The following DCAF5 variants were observed in gnomAD, a reference collection of about 807,000 sequenced individuals.
DCAF5 encodes DDB1- and CUL4-associated factor 5.
DCAF5 carries 9 observed loss-of-function variants against 80.7 expected under a neutral mutation model. The observed-to-expected ratio is 0.11, with a 90% CI of 0.07 to 0.19. The LOEUF (loss-of-function observed/expected upper bound fraction) is 0.19, where lower values mean the gene tolerates loss of function less well. DCAF5 is among the 10% of genes least tolerant of loss of function. DCAF5 has a pLI of 1.00. For missense variants in DCAF5, 842 were observed against 1,205.7 expected, an observed-to-expected ratio of 0.70 and a Z score of 4.47; for synonymous variants, 433 against 461.9, an observed-to-expected ratio of 0.94 and a Z score of 0.80.
chr14:69,074,022 G>A (rs1351136717), intron 7 of DCAF5, among the ~76,000 whole-genome samples: 1 of 152,158 alleles, frequency 6.6e-6, no homozygotes. Flanking sequence ...CTAAATTCTA[G>A]AAGAGGAAAA....
chr14:69,081,594 C>T (rs1337392480), intron 6 of DCAF5, among the ~76,000 whole-genome samples: 1 of 152,096 alleles, frequency 6.6e-6, no homozygotes, highest in Admixed American at 6.6e-5. Flanking sequence ...CTTGCTCGAG[C>T]ATAGGAAGAG....
At chr14:69,091,652 G>A in intron 6 of DCAF5, 22 bp downstream of exon 6, 1 of 1,601,214 alleles carries the variant, frequency 6.2e-7, no homozygotes, top group Non-Finnish European at 8.6e-7. Context: ...AGTGTGAGAT[G>A]CAGGAGGCAG....
At chr14:69,073,386 T>G (rs1193736726) in intron 7 of DCAF5, among the ~76,000 whole-genome samples, 2 of 152,138 alleles carry the variant, frequency 1.3e-5, no homozygotes, top group African/African-American at 4.8e-5. Context: ...ACTTCTAGCC[T>G]GCAGAACTGT....
At chr14:69,099,053 C>T (rs1272522038) in intron 5 of DCAF5, among the ~76,000 whole-genome samples, 2 of 151,848 alleles carry the variant, frequency 1.3e-5, no homozygotes, top group Non-Finnish European at 2.9e-5. Flanking sequence ...GAGATCGAGA[C>T]CATCCTGGCC....
intron 6 of DCAF5, chr14:69,085,284 A>G: frequency 1.4e-6 from 1 of 717,860 alleles, no homozygotes; most frequent in South Asian, 1.4e-5. Flanking sequence ...AAAAGCGAGT[A>G]GGCAGTGGTG....
At chr14:69,131,759 CTT>C (rs11458918) in intron 1 of DCAF5, among the ~76,000 whole-genome samples, 8 of 133,868 alleles carry the variant, frequency 6.0e-5, no homozygotes, top group African/African-American at 5.6e-5. Context: ...ACTTTCCAGG[CTT>C]TTTTTTTTTT....
At chr14:69,058,486 TC>T (rs2038067083) in intron 8 of DCAF5, among the ~76,000 whole-genome samples, 1 of 151,534 alleles carries the variant, frequency 6.6e-6, no homozygotes, top group Admixed American at 6.6e-5. Context: ...GCCACTGCAC[TC>T]CAGCTTGGGT....
intron 4 of DCAF5, among the ~76,000 whole-genome samples, chr14:69,117,929 G>C (rs3742905): frequency 0.054 from 8,149 of 152,240 alleles, 325 homozygotes; most frequent in Non-Finnish European, 0.084. Flanking sequence ...CAGGAGGGTG[G>C]AGAAGGACTG....
At chr14:69,093,630 AC>A (rs2039603758) in intron 5 of DCAF5, among the ~76,000 whole-genome samples, 1 of 152,186 alleles carries the variant, frequency 6.6e-6, no homozygotes, top group Non-Finnish European at 1.5e-5. Flanking sequence ...GCAGCTGCCA[AC>A]CTAGCTTGGT....
rs187750766 is a variant in DCAF5 at position 69,106,459 on chromosome 14, C to T, written c.665+9907G>A. ...TCATGGCTCACTGCAGCCTCAACCT[C>T]CTGGGCTCAAGCGATCCTCCTGCCT... On this transcript the variant is annotated intron_variant, in intron 5 of 8. Transcript: ENST00000341516. Among the ~76,000 whole-genome samples, 796 of 152,202 alleles carry T rather than the reference C, an allele frequency of 5.2e-3. 4 individuals are homozygous for T. The highest frequency in any genetic ancestry group is 6.7e-3 in the Non-Finnish European group (457 of 68,006).
chr14:69,056,414 G>A (rs536680510), intron 8 of DCAF5, among the ~76,000 whole-genome samples: 25 of 152,318 alleles, frequency 1.6e-4, no homozygotes, highest in African/African-American at 5.8e-4. Context: ...AGGCAGCAGA[G>A]CTAGGATTCA....
chr14:69,139,015 A>T (rs946901239), intron 1 of DCAF5, among the ~76,000 whole-genome samples: 2 of 151,896 alleles, frequency 1.3e-5, no homozygotes, highest in Non-Finnish European at 2.9e-5. Flanking sequence ...GTCAGGTGTG[A>T]TGGCACGTGC....
intron 1 of DCAF5, among the ~76,000 whole-genome samples, chr14:69,148,118 A>C (rs1234457477): frequency 1.3e-5 from 2 of 152,078 alleles, no homozygotes; most frequent in Admixed American, 6.5e-5. Context: ...AAAAAAAAAA[A>C]AAACTTTAAA....
chr14:69,080,326 C>G (rs967546004), intron 6 of DCAF5, among the ~76,000 whole-genome samples: 1 of 151,952 alleles, frequency 6.6e-6, no homozygotes, highest in Non-Finnish European at 1.5e-5. Context: ...CACTGCAGGT[C>G]TAGGCGGGCC....
intron 6 of DCAF5, among the ~76,000 whole-genome samples, chr14:69,081,082 A>C (rs941523890): frequency 6.6e-6 from 1 of 152,156 alleles, no homozygotes; most frequent in African/African-American, 2.4e-5. Context: ...ATAAGAAAAA[A>C]TAAAAAACAA....
chr14:69,122,125 A>C, intron 2 of DCAF5, 92 bp downstream of exon 2: 1 of 1,468,854 alleles, frequency 6.8e-7, no homozygotes, highest in Non-Finnish European at 9.4e-7. Flanking sequence ...GCTCAATGAA[A>C]TACAGGAAGA....
intron 1 of DCAF5, among the ~76,000 whole-genome samples, chr14:69,136,185 A>C (rs1016131056): frequency 1.4e-5 from 2 of 146,190 alleles, no homozygotes; most frequent in Admixed American, 1.4e-4. Flanking sequence ...GGGCAGTCAT[A>C]GCTCACTGCA....
chr14:69,099,707 C>T (rs541759723), intron 5 of DCAF5, among the ~76,000 whole-genome samples: 1 of 152,162 alleles, frequency 6.6e-6, no homozygotes, highest in East Asian at 1.9e-4. Context: ...CTTTGGGAGG[C>T]CCAAGCAAGA....
At chr14:69,069,613 TTTC>T (rs2038604168) in intron 7 of DCAF5, among the ~76,000 whole-genome samples, 1 of 152,094 alleles carries the variant, frequency 6.6e-6, no homozygotes, top group Non-Finnish European at 1.5e-5. Context: ...TTCTGTTCTC[TTTC>T]TTTCTTTCGT....
Sources: gnomAD v4.1 joint callset for allele counts (sites outside exome capture counted in the v4.1 genomes callset) on GRCh38, gnomAD v4.1.1 for gene constraint, MANE v1.5 for transcripts, NCBI Gene and HGNC (gene_info 2026-07-23, HGNC 2026-07-21) for gene names.